DPP10: variants seen among roughly 807,000 people sequenced by gnomAD.
DPP10 encodes the protein dipeptidyl peptidase like 10, also known as inactive dipeptidyl peptidase 10.
In DPP10, 33 loss-of-function variants were observed where a neutral mutation model predicts 120.9. That is an observed-to-expected ratio of 0.27 (90% CI 0.21 to 0.37). DPP10 has a LOEUF of 0.37. DPP10 is among the 10% of genes least tolerant of loss of function. DPP10 has a pLI of 1.00. For synonymous variants in DPP10, 337 were observed against 326.1 expected (o/e 1.03, Z -0.36); for missense variants, 816 against 942.8 (o/e 0.87, Z 1.76).
intron 5 of DPP10, among the ~76,000 whole-genome samples, chr2:115,642,943 A>G (rs886968178): frequency 6.6e-6 from 1 of 152,140 alleles, no homozygotes; most frequent in African/African-American, 2.4e-5. Context: ...TTATTTGGCT[A>G]TTAATTCAAT....
rs574731458 is a variant in DPP10 at position 115,492,548 on chromosome 2, G to A, written c.272-6962G>A. Among the ~76,000 whole-genome samples the A allele has an allele frequency of 3.3e-5, 5 of 151,942 alleles. No individual in the cohort carries two copies. In the East Asian group the frequency reaches 5.8e-4, roughly 18 times the overall value. On this transcript the variant is annotated intron_variant, in intron 3 of 25. Transcript: ENST00000410059. ...ATATATTTATGAGCCTTAGATGGGC[G>A]GTCTATTTTTCAAGTAAATGGGTTT...
chr2:115,427,922 G>C (rs924455238), intron 3 of DPP10, among the ~76,000 whole-genome samples: 9 of 152,200 alleles, frequency 5.9e-5, no homozygotes, highest in African/African-American at 1.9e-4. Flanking sequence ...GAAGCTGGCT[G>C]TTAGAAGCAG....
In DPP10 at chr2:115,437,661, A is replaced by G. The variant is rs190593521; in HGVS notation, c.272-61849A>G. Among the ~76,000 whole-genome samples the G allele has an allele frequency of 2.6e-3, 395 of 152,180 alleles. 1 individual carries two copies. Among genetic ancestry groups the G allele is most frequent in the Non-Finnish European group, 4.0e-3 (272 of 67,958 alleles). On this transcript the variant is annotated intron_variant, in intron 3 of 25. Coordinates refer to ENST00000410059, the MANE Select transcript of DPP10 (RefSeq NM_020868.6). ...TGGCAACTGAAATATTCATAATCCA[A>G]TGTCCCTTTACCTTAATCATGGACT...
At chr2:115,836,325 A>C in intron 22 of DPP10, 69 bp downstream of exon 22, 1 of 1,453,818 alleles carries the variant, frequency 6.9e-7, no homozygotes, top group Admixed American at 2.0e-5. Flanking sequence ...CCAATTTAGA[A>C]TAGCTCAATT....
intron 3 of DPP10, among the ~76,000 whole-genome samples, chr2:115,396,629 A>G (rs1391791613): frequency 6.6e-6 from 1 of 152,230 alleles, no homozygotes; most frequent in African/African-American, 2.4e-5. Context: ...AAAGAAAGAA[A>G]AACAGCATGC....
intron 3 of DPP10, among the ~76,000 whole-genome samples, chr2:115,345,204 G>A (rs112927652): frequency 6.6e-6 from 1 of 152,042 alleles, no homozygotes; most frequent in Non-Finnish European, 1.5e-5. Flanking sequence ...ATGATATTAC[G>A]GATAAAGAAC....
intron 2 of DPP10, among the ~76,000 whole-genome samples, chr2:115,326,024 T>G (rs866040635): frequency 3.3e-5 from 5 of 152,304 alleles, no homozygotes; most frequent in East Asian, 3.9e-4. Context: ...CTGAATAATA[T>G]TTTAATACTC....
chr2:115,280,830 G>A (rs914552664), intron 1 of DPP10, among the ~76,000 whole-genome samples: 7 of 152,064 alleles, frequency 4.6e-5, no homozygotes, highest in Admixed American at 2.0e-4. Context: ...TCCTAAATTC[G>A]TTTCTATGGA....
chr2:115,251,434 A>G (rs1034133442), intron 1 of DPP10, among the ~76,000 whole-genome samples: 1 of 152,154 alleles, frequency 6.6e-6, no homozygotes, highest in Non-Finnish European at 1.5e-5. Flanking sequence ...TCAGTCATGG[A>G]GGAAGAATAA....
At chr2:115,372,209 AAGG>A (rs1466356213) in intron 3 of DPP10, among the ~76,000 whole-genome samples, 8 of 152,178 alleles carry the variant, frequency 5.3e-5, no homozygotes, top group African/African-American at 1.9e-4. Flanking sequence ...TGAATTATGA[AAGG>A]AGAACAACTT....
In DPP10 at chr2:115,791,139, A is replaced by T; in HGVS notation, c.1590A>T (p.Ile530=). Residue 530 remains isoleucine (I), a synonymous_variant, in exon 18 of 26, where the codon ATA becomes ATT. Transcript: ENST00000410059. ...AGGAAGCTATCCTGAAGAAGAAGAT[A>T]GGAAAGCCAGAAATTAAAATCCTTC... ...MLKEAILKKK[I]GKPEIKILHI... 1 of 1,613,692 alleles carries T rather than the reference A, an allele frequency of 6.2e-7. No homozygotes were observed. The highest frequency in any genetic ancestry group is 8.5e-7 in the Non-Finnish European group (1 of 1,179,794).
chr2:115,766,273 AC>A (rs1371192368), intron 12 of DPP10, among the ~76,000 whole-genome samples: 149 of 113,272 alleles, frequency 1.3e-3, no homozygotes, highest in African/African-American at 4.1e-3. Flanking sequence ...GAACAAAAAT[AC>A]TCATTATATA....
At chr2:114,554,699 C>T (rs1198810567) in intron 1 of DPP10, among the ~76,000 whole-genome samples, 1 of 152,206 alleles carries the variant, frequency 6.6e-6, no homozygotes, top group Non-Finnish European at 1.5e-5. Context: ...GTCCTCAAAA[C>T]ATCTCCCTTA....
At chr2:115,444,961 G>A (rs1266893269) in intron 3 of DPP10, among the ~76,000 whole-genome samples, 10 of 152,218 alleles carry the variant, frequency 6.6e-5, no homozygotes, top group South Asian at 6.2e-4. Flanking sequence ...TGTAATCCCC[G>A]TGTGTCAAGG....
At chr2:115,518,555 G>A (rs2077626884) in intron 4 of DPP10, among the ~76,000 whole-genome samples, 1 of 151,738 alleles carries the variant, frequency 6.6e-6, no homozygotes, top group Non-Finnish European at 1.5e-5. Context: ...TTGTAAATAT[G>A]GGAATTGCAA....
At chr2:115,341,479 G>T (rs985821195) in intron 2 of DPP10, among the ~76,000 whole-genome samples, 3 of 152,044 alleles carry the variant, frequency 2.0e-5, no homozygotes, top group African/African-American at 7.3e-5. Context: ...CCCAAGGTCT[G>T]TTTGGATTCA....
intron 1 of DPP10, among the ~76,000 whole-genome samples, chr2:115,134,851 GT>G (rs1370363888): frequency 2.6e-5 from 4 of 152,208 alleles, no homozygotes; most frequent in Non-Finnish European, 2.9e-5. Flanking sequence ...AGCAAGATAA[GT>G]GTATTTTAGG....
At chr2:115,612,774 T>G (rs2084207783) in intron 5 of DPP10, among the ~76,000 whole-genome samples, 1 of 152,122 alleles carries the variant, frequency 6.6e-6, no homozygotes, top group Non-Finnish European at 1.5e-5. Context: ...ATATTCTAAC[T>G]ATATATGTGA....
intron 1 of DPP10, among the ~76,000 whole-genome samples, chr2:114,847,306 ATCT>A (rs1158587163): frequency 6.6e-6 from 1 of 151,994 alleles, no homozygotes; most frequent in African/African-American, 2.4e-5. Flanking sequence ...GGTCACCCTG[ATCT>A]TCTCCTGTCC....
Sources: gnomAD v4.1 joint callset for allele counts (sites outside exome capture counted in the v4.1 genomes callset) on GRCh38, gnomAD v4.1.1 for gene constraint, MANE v1.5 for transcripts, NCBI Gene and HGNC (gene_info 2026-07-23, HGNC 2026-07-21) for gene names.